Variants in NTNG2 observed in about 807,000 individuals in gnomAD.
NTNG2 encodes the protein netrin-G2.
In NTNG2, 15 loss-of-function variants were observed where a neutral mutation model predicts 47.6. The observed-to-expected ratio is 0.32, with a 90% CI of 0.21 to 0.49. The LOEUF (loss-of-function observed/expected upper bound fraction) is 0.49. Among genes scored for constraint, NTNG2 ranks in the 20% least tolerant of loss-of-function variants. The pLI, the probability that NTNG2 is intolerant of heterozygous loss-of-function variation, is 0.99. For missense variants in NTNG2, 578 were observed against 764.6 expected, an observed-to-expected ratio of 0.76 and a Z score of 2.88; for synonymous variants, 307 against 324.6, an observed-to-expected ratio of 0.95 and a Z score of 0.58.
In NTNG2 at chr9:132,178,060, A is replaced by G. The variant is rs137980796; in HGVS notation, c.213+11016A>G. ...AAACGATTACTCTCCTGTTGTGCCC[A>G]TTTTATAGATGAGGAAACTGAGACT... is the stretch of plus-strand genomic sequence containing the variant. On this transcript the variant is annotated intron_variant, in intron 2 of 7. Transcript: ENST00000393229. Among the ~76,000 whole-genome samples the G allele has an allele frequency of 8.7e-3, 1,322 of 152,236 alleles. 20 individuals are homozygous for G. The highest frequency in any genetic ancestry group is 0.03 in the African/African-American group (1,239 of 41,526).
chr9:132,184,989 TG>T (rs1232794977), intron 2 of NTNG2, among the ~76,000 whole-genome samples: 1 of 151,652 alleles, frequency 6.6e-6, no homozygotes, highest in Non-Finnish European at 1.5e-5. Context: ...GCCCAGGGTT[TG>T]GACTTAAGAA....
intron 3 of NTNG2, among the ~76,000 whole-genome samples, chr9:132,217,977 G>A (rs373129921): frequency 2.0e-5 from 3 of 152,218 alleles, no homozygotes; most frequent in South Asian, 4.1e-4. Flanking sequence ...TGGCCGGTGT[G>A]GTCCATATCG....
chr9:132,166,321 C>A (rs760002393), intron 1 of NTNG2, 28 bp from the exon 2 acceptor site: 1 of 166,350 alleles, frequency 6.0e-6, no homozygotes, highest in East Asian at 1.5e-4. Context: ...TGCCCACCTC[C>A]TGATTTTATT....
intron 2 of NTNG2, among the ~76,000 whole-genome samples, chr9:132,177,589 G>A (rs1449898311): frequency 6.6e-6 from 1 of 152,186 alleles, no homozygotes; most frequent in African/African-American, 2.4e-5. Flanking sequence ...TGGCAACCTT[G>A]TCGAAAATCA....
chr9:132,241,851 T>C, intron 7 of NTNG2, 25 bp from the exon 8 acceptor site: 1 of 1,517,948 alleles, frequency 6.6e-7, no homozygotes, highest in Non-Finnish European at 8.8e-7. Flanking sequence ...CCACCCCCCG[T>C]GCTGACCGCC....
chr9:132,191,154 G>A (rs1031310036), intron 2 of NTNG2, among the ~76,000 whole-genome samples: 3 of 152,094 alleles, frequency 2.0e-5, no homozygotes, highest in Non-Finnish European at 4.4e-5. Context: ...AACCCAGCCC[G>A]GGCACAGGGC....
chr9:132,185,875 TGGGAGG>T (rs1260737117), intron 2 of NTNG2, among the ~76,000 whole-genome samples: 7 of 73,762 alleles, frequency 9.5e-5, no homozygotes, highest in Admixed American at 8.9e-4. Flanking sequence ...GGAGGAGGAG[TGGGAGG>T]AGGAGGAGGA....
Position 132,208,019 on chromosome 9 carries a change from G to T in NTNG2, c.857+9410G>T, listed in dbSNP as rs983191862. On this transcript the variant is annotated intron_variant, in intron 3 of 7. Transcript: ENST00000393229. This position sits in a 1 kb window ranked among gnomAD's most constrained non-coding sequence, Gnocchi z 4.0. ...CCTGGGAGGCTGAGGTGGGAGGATT[G>T]CTTGAGCCCAGGAAGTCAAGCCTGC... Among the ~76,000 whole-genome samples, 4 of 152,130 alleles carry T rather than the reference G, an allele frequency of 2.6e-5. No homozygotes were observed. Among genetic ancestry groups the T allele is most frequent in the African/African-American group, 9.7e-5 (4 of 41,416 alleles).
Position 132,208,606 on chromosome 9 carries a change from G to A in NTNG2, c.857+9997G>A, listed in dbSNP as rs1839350060. 6.6e-6 allele frequency among the ~76,000 whole-genome samples: 1 copy of A among 152,152 alleles called. No homozygotes were observed. The highest frequency in any genetic ancestry group is 1.5e-5 in the Non-Finnish European group (1 of 68,028). On this transcript the variant is annotated intron_variant, in intron 3 of 7. Transcript: ENST00000393229. This position sits in a 1 kb window ranked among gnomAD's most constrained non-coding sequence, Gnocchi z 4.0. Reference sequence around the variant, plus strand: ...GTTGCTGAGTAGCTGATGGGAGCAGGCGGTGGGAGGCATCATGGAGGACTC... The same window carrying A: ...GTTGCTGAGTAGCTGATGGGAGCAGACGGTGGGAGGCATCATGGAGGACTC...
At chr9:132,232,523 T>C (rs1353877699) in intron 5 of NTNG2, 3 of 152,722 alleles carry the variant, frequency 2.0e-5, no homozygotes, top group Admixed American at 6.5e-5. Context: ...GGTGCTGGAG[T>C]GGGCCTCTGC....
At chr9:132,211,018 T>G (rs1564421637) in intron 3 of NTNG2, among the ~76,000 whole-genome samples, 1 of 152,134 alleles carries the variant, frequency 6.6e-6, no homozygotes, top group Non-Finnish European at 1.5e-5. Context: ...CATAGACACA[T>G]CACACTCCAC....
intron 2 of NTNG2, among the ~76,000 whole-genome samples, chr9:132,196,975 A>G (rs148084014): frequency 6.6e-6 from 1 of 152,320 alleles, no homozygotes; most frequent in African/African-American, 2.4e-5. Flanking sequence ...TTACCTGTTT[A>G]TCAAGTTCAG....
rs1447979554 is a variant in NTNG2 at position 132,236,281 on chromosome 9, G to A, written c.1055-2823G>A. On this transcript the variant is annotated intron_variant, in intron 5 of 7. Coordinates refer to ENST00000393229, the MANE Select transcript of NTNG2 (RefSeq NM_032536.4). The surrounding 1 kb of genome is among the most constrained non-coding windows in gnomAD (Gnocchi z 4.3). ...GGGAGCCTGACAAAGTGGAAAATGT[G>A]TGGGTTAAAGGAGGGAGGGCGGGGT... is the stretch of plus-strand genomic sequence containing the variant. Among the ~76,000 whole-genome samples, 1 of 152,224 alleles carries A rather than the reference G, an allele frequency of 6.6e-6. No homozygotes were observed. Among genetic ancestry groups the A allele is most frequent in the East Asian group, 1.9e-4 (1 of 5,192 alleles).
Position 132,204,179 on chromosome 9 carries a change from G to A in NTNG2, c.857+5570G>A, listed in dbSNP as rs1461072364. Among the ~76,000 whole-genome samples the A allele has an allele frequency of 2.6e-5, 4 of 152,170 alleles. No individual in the cohort carries two copies. In the East Asian group the frequency reaches 7.7e-4, roughly 29 times the overall value. ...GAGAGGAAACCCGTGAGTTCCAAGA[G>A]GCTGAGCTGGGCCTGGACGGGCAGA... On this transcript the variant is annotated intron_variant, in intron 3 of 7. Coordinates refer to ENST00000393229, the MANE Select transcript of NTNG2 (RefSeq NM_032536.4).
At chr9:132,240,839 G>T in intron 6 of NTNG2, 71 bp from the exon 7 acceptor site, 1 of 1,606,870 alleles carries the variant, frequency 6.2e-7, no homozygotes. Context: ...GCGAGGCCGG[G>T]AGAGTGGGGG....
chr9:132,190,772 T>C (rs942619656), intron 2 of NTNG2, among the ~76,000 whole-genome samples: 1 of 152,158 alleles, frequency 6.6e-6, no homozygotes, highest in Admixed American at 6.5e-5. Flanking sequence ...GGTTTCTCCA[T>C]AGAATATTTC....
rs187650653 is a variant in NTNG2 at position 132,179,404 on chromosome 9, G to A, written c.213+12360G>A. Among the ~76,000 whole-genome samples, 115 of 152,272 alleles carry A rather than the reference G, an allele frequency of 7.6e-4. No individual in the cohort carries two copies. In the East Asian group the frequency reaches 0.01, roughly 14 times the overall value. ...TGGGGGCCCTGAGGGGATCAAGAGC[G>A]TCCCCTAAGCCCATCTGCCAGCTGC... On this transcript the variant is annotated intron_variant, in intron 2 of 7. Transcript: ENST00000393229.
chr9:132,207,472 T>A (rs1354840165), intron 3 of NTNG2, among the ~76,000 whole-genome samples: 2 of 152,200 alleles, frequency 1.3e-5, no homozygotes, highest in African/African-American at 4.8e-5. Flanking sequence ...AGCATCTGTC[T>A]TACACGCTGT....
At chr9:132,174,103 T>C (rs1020489291) in intron 2 of NTNG2, among the ~76,000 whole-genome samples, 2 of 123,760 alleles carry the variant, frequency 1.6e-5, no homozygotes, top group African/African-American at 6.7e-5. Context: ...GGCCGCACCA[T>C]GCTGCGGATG....
Sources: allele counts gnomAD v4.1 joint callset (sites outside exome capture counted in the v4.1 genomes callset), GRCh38; gene constraint gnomAD v4.1.1; non-coding constraint Gnocchi (gnomAD v3.1); transcripts MANE v1.5; gene names NCBI Gene and HGNC (gene_info 2026-07-23, HGNC 2026-07-21).